Variants in SCML2 observed in about 807,000 individuals in gnomAD.
SCML2 encodes the protein Scm polycomb group protein like 2.
In SCML2, 6 loss-of-function variants were observed where a neutral mutation model predicts 48.4. The ratio of observed to expected loss-of-function variants is 0.12; its 90% confidence interval spans 0.07 to 0.24. The LOEUF is 0.24. Ranked by LOEUF, SCML2 falls within the 10% of genes least tolerant of loss-of-function variation. The pLI, the probability that SCML2 is intolerant of heterozygous loss-of-function variation, is 1.00. For synonymous variants in SCML2, 181 were observed against 189.5 expected (o/e 0.95, Z 0.37); for missense variants, 377 against 528.2 (o/e 0.71, Z 2.81).
At chrX:18,273,415 C>A (rs1396037335) in intron 7 of SCML2, among the ~76,000 whole-genome samples, 1 of 111,508 alleles carries the variant, frequency 9.0e-6, no homozygotes, top group Non-Finnish European at 1.9e-5. Flanking sequence ...ATAAGCATCC[C>A]AAATTCAACA....
At chrX:18,344,424 A>G (rs1930134564) in intron 1 of SCML2, among the ~76,000 whole-genome samples, 1 of 111,953 alleles carries the variant, frequency 8.9e-6, no homozygotes. Flanking sequence ...ACAAGGCTCC[A>G]ATACACCGTA....
In SCML2 at chrX:18,304,194, C is replaced by T. The variant is rs146965759; in HGVS notation, c.730+778G>A. Among the ~76,000 whole-genome samples, 804 of 111,270 alleles carry T rather than the reference C, an allele frequency of 7.2e-3. 5 individuals carry two copies. The highest frequency in any genetic ancestry group is 0.016 in the African/African-American group (489 of 30,568). ...AGCTAGGATTCCAGGCACACGCCAC[C>T]GCGCCCGGCTAATTGAATCCCACTA... is the stretch of plus-strand genomic sequence containing the variant. On this transcript the variant is annotated intron_variant, in intron 7 of 14. Transcript: ENST00000251900.
rs1926226868 is a variant in SCML2, at chrX:18,240,540, T to G, written c.*711A>C. Reference sequence around the variant, plus strand: ...CCAAACAACCCTCGTAGTATAAATATCTCCTGCATAAAATGACAATTCTAT... The same window carrying G: ...CCAAACAACCCTCGTAGTATAAATAGCTCCTGCATAAAATGACAATTCTAT... On this transcript the variant is annotated 3_prime_UTR_variant, in exon 15 of 15. Coordinates refer to ENST00000251900, the MANE Select transcript of SCML2 (RefSeq NM_006089.3). The G allele has an allele frequency of 8.9e-6, 1 of 111,883 alleles. No homozygotes were observed. The highest frequency in any genetic ancestry group is 9.5e-5 in the Admixed American group (1 of 10,494). The allele number at this position is 111,883 out of a possible 1,213,427, so 9.2% of individuals were successfully genotyped here.
At chrX:18,348,719 A>G (rs898875731) in intron 1 of SCML2, among the ~76,000 whole-genome samples, 2 of 112,165 alleles carry the variant, frequency 1.8e-5, no homozygotes, top group Non-Finnish European at 3.8e-5. Context: ...AATAACATTA[A>G]AGAGAAAAAT....
chrX:18,241,478 T>C (rs1478697242), intron 14 of SCML2, 99 bp from the exon 15 acceptor site: 1 of 522,483 alleles, frequency 1.9e-6, no homozygotes, highest in Non-Finnish European at 2.8e-6. Flanking sequence ...ACTCCGGATA[T>C]ATATTCTCTG....
rs373291576 is a variant in SCML2, at chrX:18,239,646, T to A, written c.*1605A>T. Reference sequence around the variant, plus strand: ...ATAGCTTATAAACATTACATCAAAGTTACACAAAGTAATAACAATAAACAT... The same window carrying A: ...ATAGCTTATAAACATTACATCAAAGATACACAAAGTAATAACAATAAACAT... On this transcript the variant is annotated 3_prime_UTR_variant, in exon 15 of 15. Transcript: ENST00000251900. 2.7e-4 allele frequency: 31 copies of A among 112,862 alleles called. No homozygotes were observed. Among genetic ancestry groups the A allele is most frequent in the East Asian group, 8.3e-4 (3 of 3,616 alleles). The allele number at this position is 112,862 out of a possible 1,213,427, so 9.3% of individuals were successfully genotyped here.
intron 11 of SCML2, among the ~76,000 whole-genome samples, chrX:18,256,199 C>A (rs1926834066): frequency 4.5e-5 from 5 of 111,419 alleles, no homozygotes. Flanking sequence ...ACCTGTAAAT[C>A]CCAGCACTTT....
intron 7 of SCML2, among the ~76,000 whole-genome samples, chrX:18,268,833 TAAC>T (rs898955011): frequency 9.0e-6 from 1 of 111,612 alleles, no homozygotes; most frequent in African/African-American, 3.3e-5. Flanking sequence ...ATTTATGCCT[TAAC>T]AACACCTTGC....
At chrX:18,285,626 T>C (rs1195608279) in intron 7 of SCML2, among the ~76,000 whole-genome samples, 3 of 110,965 alleles carry the variant, frequency 2.7e-5, no homozygotes, top group African/African-American at 9.8e-5. Context: ...AATATACCCA[T>C]GTAACAATCC....
chrX:18,323,157 G>A (rs1929375314), intron 5 of SCML2, among the ~76,000 whole-genome samples: 1 of 111,586 alleles, frequency 9.0e-6, no homozygotes, highest in South Asian at 3.8e-4. Flanking sequence ...TCAAAGTATA[G>A]AACAGCAACT....
intron 7 of SCML2, 119 bp downstream of exon 7, chrX:18,304,853 T>C: frequency 1.2e-6 from 1 of 813,240 alleles, no homozygotes; most frequent in African/African-American, 2.0e-5. Context: ...CTTTGTTCTG[T>C]CTGCCACCAG....
chrX:18,350,833 ACCAG>A (rs1453460024), intron 1 of SCML2, among the ~76,000 whole-genome samples: 64 of 111,823 alleles, frequency 5.7e-4, no homozygotes, highest in Non-Finnish European at 1.1e-3. Context: ...ACTAAATTAT[ACCAG>A]TATTTATATA....
At position 18,341,504 on chromosome X, in the gene SCML2, A is replaced by C. The variant is rs748546128; in HGVS notation, c.-24-7409T>G. 9.3e-4 allele frequency among the ~76,000 whole-genome samples: 104 copies of C among 112,037 alleles called. 1 individual carries two copies. The highest frequency in any genetic ancestry group is 1.7e-3 in the Non-Finnish European group (91 of 53,213). On this transcript the variant is annotated intron_variant, in intron 1 of 14. Coordinates refer to ENST00000251900, the MANE Select transcript of SCML2 (RefSeq NM_006089.3). ...TGAGGGTCCCTATGGGTCCAATCAGACTGCCAAATTCTCTGGTTTGCCCTG... is the reference window on the plus strand; with the variant it reads ...TGAGGGTCCCTATGGGTCCAATCAGCCTGCCAAATTCTCTGGTTTGCCCTG...
rs373985675 is a variant in SCML2 at position 18,254,856 on chromosome X, G to A, written c.1456+1992C>T. On this transcript the variant is annotated intron_variant, in intron 11 of 14. Coordinates refer to ENST00000251900, the MANE Select transcript of SCML2 (RefSeq NM_006089.3). ...AGAGAATCACTTGAACCCAGGAGGC[G>A]GAGGTTGCAGCGAGCCGAGATGGTG... Among the ~76,000 whole-genome samples, 65 of 111,386 alleles carry A rather than the reference G, an allele frequency of 5.8e-4. 4 individuals carry two copies. The highest frequency in any genetic ancestry group is 4.8e-3 in the East Asian group (17 of 3,530).
At chrX:18,315,917 A>G (rs931611733) in intron 6 of SCML2, among the ~76,000 whole-genome samples, 3 of 107,843 alleles carry the variant, frequency 2.8e-5, no homozygotes, top group Admixed American at 2.0e-4. Flanking sequence ...TGGAGAGCCT[A>G]TTTCTCTGCT....
intron 11 of SCML2, among the ~76,000 whole-genome samples, chrX:18,252,709 C>T (rs1163576026): frequency 8.9e-6 from 1 of 112,172 alleles, no homozygotes; most frequent in African/African-American, 3.2e-5. Context: ...ATATTTTTTC[C>T]CTGTAGGAAT....
intron 11 of SCML2, among the ~76,000 whole-genome samples, chrX:18,253,742 T>A (rs960686068): frequency 8.1e-5 from 9 of 111,490 alleles, no homozygotes; most frequent in Non-Finnish European, 1.3e-4. Context: ...CATAACACTA[T>A]TTATAAGGGC....
intron 6 of SCML2, among the ~76,000 whole-genome samples, chrX:18,310,055 A>G (rs5909449): frequency 0.27 from 30,355 of 110,858 alleles, 3,614 homozygotes; most frequent in African/African-American, 0.45. Context: ...CAACATGGAT[A>G]GAACTGGAGG....
At chrX:18,285,582 T>G (rs754855857) in intron 7 of SCML2, among the ~76,000 whole-genome samples, 3 of 110,218 alleles carry the variant, frequency 2.7e-5, no homozygotes, top group Non-Finnish European at 5.7e-5. Context: ...GTTGAAAAAT[T>G]AATTATTGGG....
Sources: allele counts gnomAD v4.1 joint callset (sites outside exome capture counted in the v4.1 genomes callset), GRCh38; gene constraint gnomAD v4.1.1; transcripts MANE v1.5; gene names NCBI Gene and HGNC (gene_info 2026-07-23, HGNC 2026-07-21).